The following MIS18A variants were observed in gnomAD, a reference collection of about 807,000 sequenced individuals.
MIS18A encodes protein Mis18-alpha.
In MIS18A, 14 loss-of-function variants were observed where a neutral mutation model predicts 25.0. That is an observed-to-expected ratio of 0.56 (90% confidence interval 0.37 to 0.88). The LOEUF (loss-of-function observed/expected upper bound fraction) is 0.88. MIS18A is among the 40% of genes least tolerant of loss of function. MIS18A has a pLI of 0.00. For missense variants in MIS18A, 292 were observed against 290.8 expected (o/e 1.00, Z -0.03); for synonymous variants, 134 against 118.6 (o/e 1.13, Z -0.84).
the MIS18A span, among the ~76,000 whole-genome samples, chr21:32,157,938 G>A: frequency 6.6e-6 from 1 of 152,090 alleles, no homozygotes; most frequent in African/African-American, 2.4e-5. Flanking sequence ...TTAAATTACT[G>A]GAGAGTTTTG....
the MIS18A span, among the ~76,000 whole-genome samples, chr21:32,167,346 C>A: frequency 6.6e-6 from 1 of 150,780 alleles, no homozygotes; most frequent in African/African-American, 2.5e-5. Context: ...CTGAAATTAT[C>A]TGATATAGAT....
the MIS18A span, among the ~76,000 whole-genome samples, chr21:32,262,129 T>C: frequency 3.3e-5 from 5 of 152,192 alleles, no homozygotes; most frequent in Non-Finnish European, 1.5e-5. Context: ...TGAGCCTCAG[T>C]TTCTGCATGT....
the MIS18A span, among the ~76,000 whole-genome samples, chr21:32,231,060 C>T: frequency 6.6e-6 from 1 of 151,610 alleles, no homozygotes; most frequent in East Asian, 1.9e-4. Flanking sequence ...CACAGTGAAA[C>T]CCCCGTCTCT....
At chr21:32,270,588 T>C (rs2031696370) in intron 2 of MIS18A, 59 bp from the exon 3 acceptor site, 2 of 1,462,552 alleles carry the variant, frequency 1.4e-6, no homozygotes, top group African/African-American at 1.5e-5. Flanking sequence ...ATAATAAAAA[T>C]CTCACTGTTA....
At chr21:32,264,684 A>T (rs1222099662), downstream of MIS18A, among the ~76,000 whole-genome samples, 1 of 152,130 alleles carries the variant, frequency 6.6e-6, no homozygotes, top group Non-Finnish European at 1.5e-5. Flanking sequence ...CTTCAAAAAC[A>T]AGCTGGGGGA....
chr21:32,269,875 G>T, intron 3 of MIS18A, 72 bp from the exon 4 acceptor site: 1 of 934,410 alleles, frequency 1.1e-6, no homozygotes, highest in Non-Finnish European at 1.7e-6. Context: ...TATTCAGGAG[G>T]CTGAGACAGA....
chr21:32,172,208 C>A, the MIS18A span, among the ~76,000 whole-genome samples: 2 of 151,938 alleles, frequency 1.3e-5, no homozygotes, highest in African/African-American at 4.8e-5. Context: ...TAAATTGCTG[C>A]AACCTTCATG....
At chr21:32,194,355 G>GTAGA in the MIS18A span, among the ~76,000 whole-genome samples, 2 of 150,504 alleles carry the variant, frequency 1.3e-5, no homozygotes, top group East Asian at 3.9e-4. Context: ...TATATATATA[G>GTAGA]TAGATAGATA....
At chr21:32,211,914 T>C in the MIS18A span, among the ~76,000 whole-genome samples, 4 of 152,118 alleles carry the variant, frequency 2.6e-5, no homozygotes, top group African/African-American at 9.7e-5. Context: ...CTCCATTTTC[T>C]CCCCTCTCAG....
chr21:32,158,788 A>G, the MIS18A span, among the ~76,000 whole-genome samples: 1 of 152,036 alleles, frequency 6.6e-6, no homozygotes, highest in Non-Finnish European at 1.5e-5. Context: ...TTTCTTTTTA[A>G]TTATAGCCAA....
the MIS18A span, among the ~76,000 whole-genome samples, chr21:32,218,127 A>G: frequency 7.1e-6 from 1 of 140,754 alleles, no homozygotes; most frequent in Non-Finnish European, 1.5e-5. Context: ...CAGGAGGCGG[A>G]GCTTGCAGTG....
intron 2 of MIS18A, among the ~76,000 whole-genome samples, 166 bp downstream of exon 2, chr21:32,274,664 A>G (rs1281294262): frequency 1.3e-5 from 2 of 152,220 alleles, no homozygotes; most frequent in African/African-American, 4.8e-5. Flanking sequence ...TTTCTAAAAC[A>G]GGATATAGAA....
chr21:32,274,675 A>G (rs1260985562), intron 2 of MIS18A, among the ~76,000 whole-genome samples, 155 bp downstream of exon 2: 2 of 152,248 alleles, frequency 1.3e-5, no homozygotes, highest in Non-Finnish European at 1.5e-5. Flanking sequence ...GGATATAGAA[A>G]AAGCAAAAAA....
At chr21:32,252,598 C>T in the MIS18A span, among the ~76,000 whole-genome samples, 2 of 152,134 alleles carry the variant, frequency 1.3e-5, no homozygotes, top group African/African-American at 4.8e-5. Context: ...GTACTCTCAT[C>T]CCCTAGGCTC....
the MIS18A span, among the ~76,000 whole-genome samples, chr21:32,228,330 G>A: frequency 6.6e-6 from 1 of 152,136 alleles, no homozygotes; most frequent in South Asian, 2.1e-4. Context: ...CTAGTGATCC[G>A]CCCACCTCGG....
the MIS18A span, among the ~76,000 whole-genome samples, chr21:32,169,294 G>A: frequency 1.3e-4 from 19 of 151,930 alleles, no homozygotes; most frequent in African/African-American, 4.4e-4. Context: ...GTCACTATAT[G>A]GCCCTTCTAG....
At chr21:32,179,937 C>A in the MIS18A span, among the ~76,000 whole-genome samples, 1 of 152,178 alleles carries the variant, frequency 6.6e-6, no homozygotes, top group Admixed American at 6.5e-5. Context: ...CAAGGTTAGT[C>A]CTTAGCCTAG....
At chr21:32,166,175 T>A in the MIS18A span, among the ~76,000 whole-genome samples, 1 of 152,200 alleles carries the variant, frequency 6.6e-6, no homozygotes, top group Non-Finnish European at 1.5e-5. Context: ...TGGTGATGGA[T>A]ACATGCTTCT....
chr21:32,179,310 C>A, the MIS18A span, among the ~76,000 whole-genome samples: 1 of 152,162 alleles, frequency 6.6e-6, no homozygotes, highest in Non-Finnish European at 1.5e-5. Context: ...GTGAGACAGG[C>A]TTCCTTCTTG....
Sources: gnomAD v4.1 joint callset for allele counts (sites outside exome capture counted in the v4.1 genomes callset) on GRCh38, gnomAD v4.1.1 for gene constraint, MANE v1.5 for transcripts, NCBI Gene and HGNC (gene_info 2026-07-23, HGNC 2026-07-21) for gene names.